The following TNS3 variants were observed in gnomAD, a reference collection of about 807,000 sequenced individuals.
TNS3 encodes tensin-3.
Under a neutral mutation model 140.9 loss-of-function variants are expected in TNS3, and 45 were observed. The ratio of observed to expected loss-of-function variants is 0.32; its 90% CI spans 0.25 to 0.41. TNS3 has a LOEUF of 0.41. TNS3 is among the 10% of genes least tolerant of loss of function. The pLI is 1.00. For synonymous variants in TNS3, 815 were observed against 788.4 expected (o/e 1.03, Z -0.56); for missense variants, 1,716 against 1,906.7 (o/e 0.90, Z 1.86).
At chr7:47,319,822 C>A (rs1787628433) in intron 20 of TNS3, among the ~76,000 whole-genome samples, 2 of 152,158 alleles carry the variant, frequency 1.3e-5, no homozygotes, top group Admixed American at 1.3e-4. Context: ...ATGGGGGTTT[C>A]TCATGTAGTT....
Position 47,490,951 on chromosome 7 carries a change from G to A in TNS3, c.-114-9810C>T, listed in dbSNP as rs113599021. Among the ~76,000 whole-genome samples, 11 of 152,298 alleles carry A rather than the reference G, an allele frequency of 7.2e-5. 1 individual carries two copies. The highest frequency in any genetic ancestry group is 2.6e-4 in the African/African-American group (11 of 41,562). ...ATGCCATCCTTCAGTGCTCTGTGTC[G>A]GGAAGTAGAGGAAAGGGGCTCAAAA... On this transcript the variant is annotated intron_variant, in intron 3 of 30. Coordinates refer to ENST00000311160, the MANE Select transcript of TNS3 (RefSeq NM_022748.12).
chr7:47,526,383 G>A (rs1174652909), intron 2 of TNS3, among the ~76,000 whole-genome samples: 3 of 152,222 alleles, frequency 2.0e-5, no homozygotes, highest in Admixed American at 1.3e-4. Context: ...CACACATGCG[G>A]CATCAGCCAT....
chr7:47,564,111 G>A (rs1482751045), intron 1 of TNS3, among the ~76,000 whole-genome samples: 7 of 150,076 alleles, frequency 4.7e-5, no homozygotes, highest in African/African-American at 9.8e-5. Context: ...GGAGAATGGC[G>A]TGAGCCCGGG....
rs1412200817 is a variant in TNS3 at position 47,368,460 on chromosome 7, C to T, written c.2186G>A (p.Gly729Asp). 1 of 1,585,030 alleles carries T rather than the reference C, an allele frequency of 6.3e-7. No individual in the cohort carries two copies. The highest frequency in any genetic ancestry group is 2.3e-5 in the East Asian group (1 of 44,182). The change falls in exon 17 of 31, where the codon GGC becomes GAC. Residue 729 changes from glycine to aspartate, a missense_variant. By Grantham distance (94) the Gly-to-Asp change is moderately conservative. Around this residue, in one of 3 missense-constraint regions of TNS3, gnomAD observed 1,163 missense variants for 1,182.1 expected, o/e 0.98. Transcript: ENST00000311160. ...TCCCACGCTGTCTGGAGACACAGAG[C>T]CATTGGCCTGGCTACCGAGGGCGTT... ...HMNALGSQAN[G>D]SVSPDSVGGG...
At chr7:47,406,492 C>T (rs1428581610) in intron 13 of TNS3, among the ~76,000 whole-genome samples, 3 of 152,186 alleles carry the variant, frequency 2.0e-5, no homozygotes, top group Non-Finnish European at 1.5e-5. Flanking sequence ...AGGCAGATGT[C>T]CCTGCAGGCA....
intron 1 of TNS3, chr7:47,539,066 C>T (rs1471779980): frequency 4.4e-6 from 2 of 456,676 alleles, no homozygotes; most frequent in Non-Finnish European, 4.4e-6. Context: ...GATCTACCAC[C>T]GCCCTTACCA....
intron 17 of TNS3, among the ~76,000 whole-genome samples, chr7:47,364,117 C>T (rs1790554285): frequency 6.6e-6 from 1 of 151,904 alleles, no homozygotes. Flanking sequence ...TGTTTTCTGC[C>T]GCTTGCCAAA....
At chr7:47,503,567 G>A (rs963783186) in intron 3 of TNS3, among the ~76,000 whole-genome samples, 2 of 143,170 alleles carry the variant, frequency 1.4e-5, no homozygotes, top group Non-Finnish European at 3.0e-5. Context: ...TCAAGTGATT[G>A]TACATACATT....
At chr7:47,402,421 C>T (rs1793217549) in intron 13 of TNS3, among the ~76,000 whole-genome samples, 2 of 152,204 alleles carry the variant, frequency 1.3e-5, no homozygotes, top group Admixed American at 6.5e-5. Flanking sequence ...AGAAATGTTG[C>T]CTCAATTTGC....
intron 16 of TNS3, among the ~76,000 whole-genome samples, chr7:47,374,703 A>G (rs1219732969): frequency 6.6e-6 from 1 of 152,250 alleles, no homozygotes; most frequent in African/African-American, 2.4e-5. Flanking sequence ...GCGCTGATCC[A>G]TCATTAAAGA....
At chr7:47,524,545 G>A (rs1335938174) in intron 2 of TNS3, among the ~76,000 whole-genome samples, 1 of 151,982 alleles carries the variant, frequency 6.6e-6, no homozygotes, top group Non-Finnish European at 1.5e-5. Flanking sequence ...GCTCACGCCT[G>A]TAATCCCAGC....
chr7:47,293,886 T>G, intron 24 of TNS3, 58 bp from the exon 25 acceptor site: 1 of 1,498,204 alleles, frequency 6.7e-7, no homozygotes, highest in Non-Finnish European at 9.3e-7. Flanking sequence ...ATGGGAGAAT[T>G]CAATAGAGAG....
At chr7:47,413,752 A>G (rs145537151) in intron 12 of TNS3, among the ~76,000 whole-genome samples, 185 bp downstream of exon 12, 2,169 of 152,096 alleles carry the variant, frequency 0.014, 53 homozygotes, top group African/African-American at 0.049. Flanking sequence ...AGGGAGGGCC[A>G]AGGCGTGATG....
At chr7:47,302,631 G>C (rs1182929516) in intron 22 of TNS3, among the ~76,000 whole-genome samples, 1 of 152,182 alleles carries the variant, frequency 6.6e-6, no homozygotes, top group Non-Finnish European at 1.5e-5. Flanking sequence ...AATTTAATTT[G>C]ACAAGGAATT....
intron 1 of TNS3, among the ~76,000 whole-genome samples, chr7:47,568,701 C>T (rs933744873): frequency 6.6e-6 from 1 of 152,242 alleles, no homozygotes; most frequent in Non-Finnish European, 1.5e-5. Flanking sequence ...TGTGCCATAT[C>T]GCATTCGTGC....
chr7:47,538,102 G>A (rs959800662), intron 1 of TNS3, among the ~76,000 whole-genome samples: 1 of 152,072 alleles, frequency 6.6e-6, no homozygotes, highest in African/African-American at 2.4e-5. Context: ...GAAGATGACA[G>A]GGTGATGGGA....
At chr7:47,400,635 G>C in intron 14 of TNS3, 150 bp downstream of exon 14, 1 of 1,405,634 alleles carries the variant, frequency 7.1e-7, no homozygotes, top group Non-Finnish European at 9.7e-7. Flanking sequence ...TTTTCCCCCA[G>C]GGATCAATGA....
chr7:47,424,076 T>C, intron 10 of TNS3, 25 bp downstream of exon 10: 1 of 1,611,766 alleles, frequency 6.2e-7, no homozygotes, highest in East Asian at 2.2e-5. Flanking sequence ...ACCTCTTCAC[T>C]CTGGCTTTGG....
chr7:47,367,755 C>G (rs564029908), intron 17 of TNS3, among the ~76,000 whole-genome samples: 29 of 152,374 alleles, frequency 1.9e-4, no homozygotes, highest in African/African-American at 7.0e-4. Context: ...AGTAGAACCC[C>G]TTGTGGACCC....
Sources: gnomAD v4.1 joint callset for allele counts (sites outside exome capture counted in the v4.1 genomes callset) on GRCh38, gnomAD v4.1.1 for gene constraint, gnomAD v4.1.1 regional missense constraint, MANE v1.5 for transcripts, NCBI Gene and HGNC (gene_info 2026-07-23, HGNC 2026-07-21) for gene names.